IL1RAPL2: variants seen among roughly 807,000 people sequenced by gnomAD.
IL1RAPL2 encodes the protein interleukin 1 receptor accessory protein like 2, also known as X-linked interleukin-1 receptor accessory protein-like 2.
A neutral mutation model predicts 44.1 loss-of-function variants in IL1RAPL2; 3 were observed. The ratio of observed to expected loss-of-function variants is 0.07; its 90% CI spans 0.03 to 0.18. IL1RAPL2 has a LOEUF of 0.18. Ranked by LOEUF, IL1RAPL2 falls within the 10% of genes least tolerant of loss-of-function variation. The pLI, the probability that IL1RAPL2 is intolerant of heterozygous loss-of-function variation, is 1.00. For synonymous variants in IL1RAPL2, 181 were observed against 178.8 expected (o/e 1.01, Z -0.10); for missense variants, 391 against 496.4 (o/e 0.79, Z 2.02).
intron 6 of IL1RAPL2, among the ~76,000 whole-genome samples, chrX:105,603,221 G>A (rs1468263737): frequency 9.5e-6 from 1 of 104,962 alleles, no homozygotes; most frequent in Non-Finnish European, 2.0e-5. Flanking sequence ...ATTAAAAGAT[G>A]TAGACTGACT....
Position 105,218,989 on chromosome X carries a change from C to T in IL1RAPL2, c.357-14829C>T, listed in dbSNP as rs782606691. On this transcript the variant is annotated intron_variant, in intron 3 of 10. Transcript: ENST00000372582. ...TCAATGAGGTTTTTGCAGCCAGATT[C>T]CCTTCCCACAGTCGAAGCAAGTATC... 8.3e-6 allele frequency: 10 copies of T among 1,207,566 alleles called. No homozygotes were observed. The African/African-American group carries it at 1.6e-4, about 19-fold the overall frequency.
chrX:105,084,113 G>T (rs2032449295), intron 2 of IL1RAPL2, among the ~76,000 whole-genome samples: 1 of 112,533 alleles, frequency 8.9e-6, no homozygotes, highest in Non-Finnish European at 1.9e-5. Flanking sequence ...CCAGGCAGAA[G>T]TTTGCTGCAG....
In IL1RAPL2 at chrX:104,818,121, C is replaced by T. The variant is rs766736353; in HGVS notation, c.82+159126C>T. 1.2e-4 allele frequency among the ~76,000 whole-genome samples: 13 copies of T among 109,791 alleles called. No homozygotes were observed. The Middle Eastern group carries it at 0.037, about 316-fold the overall frequency. On this transcript the variant is annotated intron_variant, in intron 2 of 10. Transcript: ENST00000372582. ...GCTGTAATCCCAGCACTTTGGGAGGCCGAGGCGGGAGGATCATGAGGTCAG... is the reference window on the plus strand; with the variant it reads ...GCTGTAATCCCAGCACTTTGGGAGGTCGAGGCGGGAGGATCATGAGGTCAG...
intron 5 of IL1RAPL2, among the ~76,000 whole-genome samples, chrX:105,342,175 G>T: frequency 1.1e-5 from 1 of 87,024 alleles, no homozygotes; most frequent in Non-Finnish European, 2.2e-5. Context: ...GGGGGGAGGG[G>T]GGAGGCATAG....
intron 1 of IL1RAPL2, among the ~76,000 whole-genome samples, chrX:104,567,324 C>G (rs1928056720): frequency 8.9e-6 from 1 of 112,904 alleles, no homozygotes; most frequent in South Asian, 3.6e-4. Context: ...CGTTGCGTTT[C>G]CGCGGCGGGA....
intron 2 of IL1RAPL2, among the ~76,000 whole-genome samples, chrX:104,921,173 C>A (rs977517304): frequency 8.9e-6 from 1 of 111,789 alleles, no homozygotes; most frequent in African/African-American, 3.3e-5. Context: ...ATTGCTTGAA[C>A]CCTAGTAGAG....
intron 2 of IL1RAPL2, among the ~76,000 whole-genome samples, chrX:105,057,295 A>G (rs971993075): frequency 8.9e-6 from 1 of 111,969 alleles, no homozygotes; most frequent in Non-Finnish European, 1.9e-5. Flanking sequence ...TGGCCAGGCT[A>G]GATGTCTGCA....
chrX:105,729,017 A>G (rs762269125), intron 7 of IL1RAPL2, among the ~76,000 whole-genome samples: 7 of 111,130 alleles, frequency 6.3e-5, no homozygotes, highest in African/African-American at 2.3e-4. Context: ...TTCACTTAGT[A>G]TATGCATTTA....
intron 7 of IL1RAPL2, among the ~76,000 whole-genome samples, chrX:105,739,419 A>G (rs931525029): frequency 1.4e-4 from 15 of 108,354 alleles, no homozygotes; most frequent in African/African-American, 5.0e-4. Flanking sequence ...ATATATGTAT[A>G]CATGTGCCAT....
chrX:105,497,040 G>T (rs1423025932), intron 6 of IL1RAPL2, among the ~76,000 whole-genome samples: 2 of 111,279 alleles, frequency 1.8e-5, no homozygotes, highest in African/African-American at 6.5e-5. Flanking sequence ...GATGTACAAA[G>T]AATTCTTAAA....
chrX:104,732,800 C>A (rs1035860881), intron 2 of IL1RAPL2, among the ~76,000 whole-genome samples: 1 of 111,290 alleles, frequency 9.0e-6, no homozygotes, highest in African/African-American at 3.3e-5. Context: ...TCTTTTTACC[C>A]AAACAAGATA....
intron 5 of IL1RAPL2, among the ~76,000 whole-genome samples, chrX:105,329,222 C>T (rs1292656637): frequency 1.8e-5 from 2 of 111,557 alleles, no homozygotes; most frequent in Non-Finnish European, 3.8e-5. Context: ...GAAGTGTTGA[C>T]TTGTAATTAG....
intron 4 of IL1RAPL2, among the ~76,000 whole-genome samples, chrX:105,239,648 G>T (rs1232292609): frequency 3.3e-5 from 3 of 91,953 alleles, no homozygotes; most frequent in South Asian, 9.4e-4. Context: ...TACCTTAAGG[G>T]TTCTAACGGG....
intron 2 of IL1RAPL2, among the ~76,000 whole-genome samples, chrX:104,761,658 A>T (rs1190652049): frequency 8.9e-6 from 1 of 111,799 alleles, no homozygotes; most frequent in Non-Finnish European, 1.9e-5. Flanking sequence ...CTGTAAAATC[A>T]AAGGCAAAGT....
chrX:105,583,425 C>T (rs1464365358), intron 6 of IL1RAPL2, among the ~76,000 whole-genome samples: 1 of 111,781 alleles, frequency 8.9e-6, no homozygotes, highest in Non-Finnish European at 1.9e-5. Context: ...TGAGCTACGG[C>T]GCCCGGCCAA....
intron 2 of IL1RAPL2, among the ~76,000 whole-genome samples, chrX:105,038,594 T>C (rs1426191317): frequency 3.6e-5 from 4 of 110,874 alleles, no homozygotes; most frequent in Non-Finnish European, 5.7e-5. Flanking sequence ...GTTTGCTATA[T>C]AGATGAATTG....
intron 6 of IL1RAPL2, among the ~76,000 whole-genome samples, chrX:105,612,401 TG>T (rs2147827325): frequency 8.9e-6 from 1 of 112,025 alleles, no homozygotes; most frequent in Admixed American, 9.5e-5. Flanking sequence ...CCACTGTGCC[TG>T]GCCTAACCAA....
chrX:105,047,372 T>C (rs1002228821), intron 2 of IL1RAPL2, among the ~76,000 whole-genome samples: 1 of 111,853 alleles, frequency 8.9e-6, no homozygotes, highest in Non-Finnish European at 1.9e-5. Flanking sequence ...CTGTGTAAAA[T>C]TGGCATGCTG....
chrX:105,750,033 A>AT (rs1182618870), intron 9 of IL1RAPL2, among the ~76,000 whole-genome samples: 32 of 110,552 alleles, frequency 2.9e-4, no homozygotes, highest in African/African-American at 9.9e-4. Flanking sequence ...GCTTTTGTTT[A>AT]TTTTTTTGAG....
Sources: allele counts gnomAD v4.1 joint callset (sites outside exome capture counted in the v4.1 genomes callset), GRCh38; gene constraint gnomAD v4.1.1; transcripts MANE v1.5; gene names NCBI Gene and HGNC (gene_info 2026-07-23, HGNC 2026-07-21).